COL6A5: variants seen among roughly 807,000 people sequenced by gnomAD.
COL6A5 encodes collagen alpha-5(VI) chain.
In COL6A5, 48 loss-of-function variants were observed where a neutral mutation model predicts 65.6. The ratio of observed to expected loss-of-function variants is 0.73; its 90% confidence interval spans 0.58 to 0.93. The LOEUF is 0.93. Among genes scored for constraint, COL6A5 ranks in the 40% least tolerant of loss-of-function variants. The pLI, the probability that COL6A5 is intolerant of heterozygous loss-of-function variation, is 0.00. For synonymous variants in COL6A5, 291 were observed against 322.8 expected (o/e 0.90, Z 1.05); for missense variants, 914 against 928.3 (o/e 0.98, Z 0.20).
At chr3:130,424,989 C>T (rs369074250) in intron 29 of COL6A5, among the ~76,000 whole-genome samples, 7 of 152,070 alleles carry the variant, frequency 4.6e-5, no homozygotes, top group African/African-American at 7.2e-5. Context: ...TTTAAGGGCT[C>T]GCTCTTTCAG....
At chr3:130,472,790 A>G (rs961245599) in intron 7 of COL6A5, among the ~76,000 whole-genome samples, 2 of 147,010 alleles carry the variant, frequency 1.4e-5, no homozygotes, top group South Asian at 2.1e-4. Context: ...ATATAGGGGC[A>G]TATATGTATA....
rs1349676046 is a variant in COL6A5 at position 130,403,584 on chromosome 3, T to C, written c.4228-25T>C. On this transcript the variant is annotated intron_variant and NMD_transcript_variant, in intron 12 of 41. Coordinates refer to the COL6A5 transcript ENST00000312481. ...CTTTATTGGGGGGGGGTGACTAAAA[T>C]GTATTGTTCTCTCTTTCTTCCCAGG... The C allele has an allele frequency of 1.4e-5, 21 of 1,545,512 alleles. No individual in the cohort carries two copies. In the East Asian group the frequency reaches 4.9e-4, roughly 36 times the overall value.
chr3:130,443,591 A>T (rs1332061373), intron 4 of COL6A5, 25 bp downstream of exon 36: 1 of 1,460,860 alleles, frequency 6.8e-7, no homozygotes. Context: ...TCTTATATTT[A>T]CAAGTGACTG....
At chr3:130,374,837 G>A (rs570127791) in intron 2 of COL6A5, among the ~76,000 whole-genome samples, 1 of 152,244 alleles carries the variant, frequency 6.6e-6, no homozygotes, top group South Asian at 2.1e-4. Flanking sequence ...TGAAGCACAC[G>A]ACTGTGTGAG....
chr3:130,371,340 T>C (rs943188044), intron 1 of COL6A5, among the ~76,000 whole-genome samples: 3 of 151,692 alleles, frequency 2.0e-5, no homozygotes, highest in Non-Finnish European at 4.4e-5. Flanking sequence ...AAAACACATA[T>C]AGAAATGCAC....
Position 130,398,184 on chromosome 3 carries a change from G to A in COL6A5, c.3991+73G>A, listed in dbSNP as rs996817959. 40 of 990,706 alleles carry A rather than the reference G, an allele frequency of 4.0e-5. No homozygotes were observed. In the African/African-American group the frequency reaches 5.9e-4, roughly 15 times the overall value. 61.4% of individuals were successfully genotyped at this position (990,706 alleles called of 1,614,324 possible). A position where few individuals can be genotyped will look rare whatever the true frequency, so the allele number is the denominator to read the frequency against. ...GTCAGTCTGTCACCCAGGTTGGAGT[G>A]CAGTGGCACGATCTCAGCTCACTGC... On this transcript the variant is annotated intron_variant and NMD_transcript_variant, in intron 10 of 41. Coordinates refer to the COL6A5 transcript ENST00000312481.
chr3:130,348,499 A>G (rs1934585459), intron 1 of COL6A5, among the ~76,000 whole-genome samples: 1 of 152,198 alleles, frequency 6.6e-6, no homozygotes, highest in Non-Finnish European at 1.5e-5. Context: ...TATATGTGCC[A>G]CATTTTCTTT....
intron 1 of COL6A5, among the ~76,000 whole-genome samples, chr3:130,347,312 A>G (rs1020682823): frequency 2.0e-5 from 3 of 152,018 alleles, no homozygotes; most frequent in African/African-American, 7.2e-5. Flanking sequence ...TTGAACTATT[A>G]TTAATATGTT....
At chr3:130,414,772 C>T (rs1242213150) in intron 22 of COL6A5, among the ~76,000 whole-genome samples, 2 of 152,032 alleles carry the variant, frequency 1.3e-5, no homozygotes, top group Non-Finnish European at 2.9e-5. Context: ...AGCCTGGACT[C>T]GTATGGAAGG....
chr3:130,483,917 A>G, intron 7 of COL6A5, 118 bp from the exon 41 acceptor site: 1 of 857,282 alleles, frequency 1.2e-6, no homozygotes, highest in Non-Finnish European at 1.8e-6. Flanking sequence ...TTGACCATTG[A>G]AAATGACAAA....
In COL6A5 at chr3:130,416,737, G is replaced by A. The variant is rs1473115552; in HGVS notation, c.4825-20G>A. 2.1e-5 allele frequency: 30 copies of A among 1,461,886 alleles called. No individual in the cohort carries two copies. In the East Asian group the frequency reaches 7.3e-4, roughly 35 times the overall value. The allele number at this position is 1,461,886 out of a possible 1,614,324, so 90.6% of individuals were successfully genotyped here. On this transcript the variant is annotated intron_variant and NMD_transcript_variant, in intron 23 of 41. Transcript: ENST00000312481. Reference sequence around the variant, plus strand: ...GAATTACTACGGTGCCAACATTTTAGTCTCTAATTTTTTTTTCAGGGTTCT... The same window carrying A: ...GAATTACTACGGTGCCAACATTTTAATCTCTAATTTTTTTTTCAGGGTTCT...
At chr3:130,440,661 G>A in exon 3 of COL6A5, 1 of 1,613,516 alleles carries the variant, frequency 6.2e-7, no homozygotes, top group East Asian at 2.2e-5. Context: ...AAGTGTCAAG[G>A]CTACGTCATA....
chr3:130,378,276 A>G (rs1337568879), intron 3 of COL6A5, among the ~76,000 whole-genome samples: 1 of 152,004 alleles, frequency 6.6e-6, no homozygotes, highest in African/African-American at 2.4e-5. Context: ...TATCTTCCCT[A>G]TCTTGAAAAA....
chr3:130,359,784 C>T (rs73214704), intron 1 of COL6A5, among the ~76,000 whole-genome samples: 2 of 151,976 alleles, frequency 1.3e-5, no homozygotes, highest in African/African-American at 4.8e-5. Context: ...GTATATTTTT[C>T]CTAGAGACGG....
chr3:130,452,417 C>G (rs1399771043), intron 4 of COL6A5, among the ~76,000 whole-genome samples: 2 of 152,090 alleles, frequency 1.3e-5, no homozygotes, highest in East Asian at 3.9e-4. Context: ...GGACAGAGTA[C>G]AAAAGAGAGA....
intron 18 of COL6A5, among the ~76,000 whole-genome samples, chr3:130,409,791 G>A (rs899885192): frequency 7.9e-5 from 12 of 152,130 alleles, no homozygotes; most frequent in Admixed American, 7.9e-4. Context: ...CCATGTAGCA[G>A]GCACCCTTTT....
chr3:130,432,735 A>C (rs887199071), intron 1 of COL6A5, among the ~76,000 whole-genome samples: 22 of 152,202 alleles, frequency 1.4e-4, no homozygotes, highest in African/African-American at 5.1e-4. Context: ...GCTGTTGCTC[A>C]CAGAACAGCT....
chr3:130,418,915 G>A, exon 25 of COL6A5: 2 of 1,550,684 alleles, frequency 1.3e-6, no homozygotes, highest in Non-Finnish European at 1.7e-6. Flanking sequence ...GGGCAAACTG[G>A]GCAGCGAGGA....
intron 7 of COL6A5, among the ~76,000 whole-genome samples, chr3:130,472,509 G>A (rs376767706): frequency 1.2e-4 from 19 of 152,074 alleles, no homozygotes; most frequent in African/African-American, 1.2e-4. Flanking sequence ...CTAGGGCAGC[G>A]ATTCACAGTC....
Sources: allele counts gnomAD v4.1 joint callset (sites outside exome capture counted in the v4.1 genomes callset), GRCh38; gene constraint gnomAD v4.1.1; transcripts MANE v1.5; gene names NCBI Gene and HGNC (gene_info 2026-07-23, HGNC 2026-07-21).